The following GNG2 variants were observed in gnomAD, a reference collection of about 807,000 sequenced individuals.
The protein encoded by GNG2 is G protein subunit gamma 2.
In GNG2, 5 loss-of-function variants were observed where a neutral mutation model predicts 5.5. The ratio of observed to expected loss-of-function variants is 0.91; its 90% CI spans 0.48 to 1.92. The LOEUF (loss-of-function observed/expected upper bound fraction) is 1.92, where lower values mean the gene tolerates loss of function less well. GNG2 is among the 30% of genes most tolerant of loss of function. The pLI, the probability that GNG2 is intolerant of heterozygous loss-of-function variation, is 0.01. For missense variants in GNG2, 55 were observed against 88.4 expected (o/e 0.62, Z 1.52); for synonymous variants, 28 against 32.0 (o/e 0.88, Z 0.42).
intron 3 of GNG2, among the ~76,000 whole-genome samples, chr14:51,955,214 T>C (rs1889211398): frequency 1.3e-5 from 2 of 152,284 alleles, no homozygotes; most frequent in South Asian, 4.1e-4. Flanking sequence ...CCTTTCCAAG[T>C]GATTCCTTTT....
At chr14:51,916,522 G>T (rs1388742601) in intron 2 of GNG2, 1 of 438,042 alleles carries the variant, frequency 2.3e-6, no homozygotes, top group Non-Finnish European at 4.5e-6. Context: ...AAAAAAAAAA[G>T]AAATGGAAAT....
intron 2 of GNG2, among the ~76,000 whole-genome samples, chr14:51,899,941 T>C (rs1308557660): frequency 6.6e-6 from 1 of 152,246 alleles, no homozygotes; most frequent in Non-Finnish European, 1.5e-5. Flanking sequence ...TTCCACCTTT[T>C]ACCTAATGTA....
chr14:51,965,576 C>T lies in GNG2; in HGVS notation c.88-983C>T, dbSNP rs78905598. 8.4e-3 allele frequency among the ~76,000 whole-genome samples: 1,273 copies of T among 152,262 alleles called. 51 individuals are homozygous for T. The highest frequency in any genetic ancestry group is 0.058 in the Admixed American group (887 of 15,294). On this transcript the variant is annotated intron_variant, in intron 3 of 3. Coordinates refer to ENST00000556766, the MANE Select transcript of GNG2 (RefSeq NM_053064.5). ...ATGACAGCATCGCCAGAATCAGTGACGACCTCCCAGTGAAATATCACTAAA... is the reference window on the plus strand; with the variant it reads ...ATGACAGCATCGCCAGAATCAGTGATGACCTCCCAGTGAAATATCACTAAA...
chr14:51,893,033 G>A (rs888356193), intron 2 of GNG2, among the ~76,000 whole-genome samples: 11 of 152,266 alleles, frequency 7.2e-5, no homozygotes, highest in East Asian at 1.9e-4. Flanking sequence ...CTCCACTGTC[G>A]CCTGTGGAGT....
intron 2 of GNG2, chr14:51,914,319 T>G (rs1482242504): frequency 1.4e-6 from 1 of 701,098 alleles, no homozygotes; most frequent in Non-Finnish European, 2.6e-6. Flanking sequence ...TCATTATGTC[T>G]GAAAGAAAAA....
chr14:51,906,817 G>A (rs1002133262), intron 2 of GNG2, among the ~76,000 whole-genome samples: 2 of 146,852 alleles, frequency 1.4e-5, no homozygotes, highest in African/African-American at 2.6e-5. Context: ...GTGCAGTGGC[G>A]CAATCTCGGC....
chr14:51,874,285 C>T (rs529290737), intron 1 of GNG2, among the ~76,000 whole-genome samples: 26 of 152,030 alleles, frequency 1.7e-4, no homozygotes, highest in Admixed American at 9.2e-4. Context: ...ATTAGCCGGG[C>T]GTGGTGGTGG....
chr14:51,865,170 G>C (rs188872205), intron 1 of GNG2, among the ~76,000 whole-genome samples: 38 of 152,300 alleles, frequency 2.5e-4, no homozygotes, highest in African/African-American at 8.7e-4. Flanking sequence ...CTGGGGGCCA[G>C]GGGTGGAGGG....
At chr14:51,831,272 A>T (rs1355715039) in intron 2 of GNG2, among the ~76,000 whole-genome samples, 2 of 152,208 alleles carry the variant, frequency 1.3e-5, no homozygotes, top group African/African-American at 4.8e-5. Flanking sequence ...GCCAACATCT[A>T]ATTATTATCT....
At chr14:51,855,909 T>G (rs985196672), upstream of GNG2, among the ~76,000 whole-genome samples, 1 of 152,002 alleles carries the variant, frequency 6.6e-6, no homozygotes, top group Admixed American at 6.6e-5. Flanking sequence ...AATAAAGAAC[T>G]AGGCTGTAAT....
chr14:51,960,975 T>A (rs1280811064), intron 3 of GNG2, among the ~76,000 whole-genome samples: 2 of 152,144 alleles, frequency 1.3e-5, no homozygotes, highest in Admixed American at 1.3e-4. Flanking sequence ...CTTAAGAGCT[T>A]TCTCTCCCCT....
chr14:51,948,845 G>C (rs1213088512), intron 2 of GNG2, among the ~76,000 whole-genome samples: 1 of 152,112 alleles, frequency 6.6e-6, no homozygotes, highest in East Asian at 1.9e-4. Context: ...GGGATGGCCG[G>C]GCGTGGTGGC....
chr14:51,923,446 T>C (rs960416327), intron 2 of GNG2, among the ~76,000 whole-genome samples: 1 of 152,084 alleles, frequency 6.6e-6, no homozygotes, highest in African/African-American at 2.4e-5. Context: ...TACACAAATA[T>C]ATATATATAT....
chr14:51,899,571 G>A (rs1168722572), intron 2 of GNG2, among the ~76,000 whole-genome samples: 3 of 151,992 alleles, frequency 2.0e-5, no homozygotes, highest in East Asian at 3.9e-4. Context: ...TCTTCGTCTG[G>A]CAACACTGAA....
At chr14:51,848,231 T>C (rs1447320450) in intron 2 of GNG2, among the ~76,000 whole-genome samples, 7 of 152,122 alleles carry the variant, frequency 4.6e-5, no homozygotes, top group East Asian at 1.9e-4. Context: ...GCCAACATCA[T>C]CTTTCTAAAT....
chr14:51,895,893 C>T (rs1885160787), intron 2 of GNG2, among the ~76,000 whole-genome samples: 1 of 152,206 alleles, frequency 6.6e-6, no homozygotes, highest in South Asian at 2.1e-4. Flanking sequence ...CACATGCTCT[C>T]TTTGCCTGCT....
intron 1 of GNG2, among the ~76,000 whole-genome samples, chr14:51,875,719 A>C (rs1284079748): frequency 6.6e-6 from 1 of 150,690 alleles, no homozygotes; most frequent in Non-Finnish European, 1.5e-5. Context: ...TAGAAAAAAC[A>C]TATGTAAATA....
rs543554898 is a variant in GNG2, at chr14:51,969,406, T to C, written c.*2719T>C. Reference sequence around the variant, plus strand: ...AGATGCAAATACATACTTTGATCTATGTTTGATTTTGCTAATAATATTTGA... The same window carrying C: ...AGATGCAAATACATACTTTGATCTACGTTTGATTTTGCTAATAATATTTGA... On this transcript the variant is annotated 3_prime_UTR_variant, in exon 4 of 4. Transcript: ENST00000556766. 1 of 152,328 alleles carries C rather than the reference T, an allele frequency of 6.6e-6. No homozygotes were observed. The highest frequency in any genetic ancestry group is 2.1e-4 in the South Asian group (1 of 4,824). 9.4% of individuals were successfully genotyped at this position (152,328 alleles called of 1,614,324 possible).
chr14:51,925,096 A>C (rs967692370), intron 2 of GNG2, among the ~76,000 whole-genome samples: 6 of 152,332 alleles, frequency 3.9e-5, no homozygotes, highest in African/African-American at 1.4e-4. Flanking sequence ...TTGTATTTTC[A>C]AACAGCTACA....
Sources: gnomAD v4.1 joint callset for allele counts (sites outside exome capture counted in the v4.1 genomes callset) on GRCh38, gnomAD v4.1.1 for gene constraint, MANE v1.5 for transcripts, NCBI Gene and HGNC (gene_info 2026-07-23, HGNC 2026-07-21) for gene names.